DHTKD1: variants seen among roughly 807,000 people sequenced by gnomAD.
DHTKD1 encodes 2-oxoadipate dehydrogenase complex component E1.
Under a neutral mutation model 101.8 loss-of-function variants are expected in DHTKD1, and 78 were observed. The observed-to-expected ratio is 0.77, with a 90% CI of 0.64 to 0.93. The LOEUF (loss-of-function observed/expected upper bound fraction) is 0.93, where lower values mean the gene tolerates loss of function less well. Ranked by LOEUF, DHTKD1 falls within the 40% of genes least tolerant of loss-of-function variation. The probability of loss-of-function intolerance (pLI) is 0.00; values close to 1 mark genes in which losing one functional copy is unlikely to be tolerated. For synonymous variants in DHTKD1, 462 were observed against 450.3 expected, an observed-to-expected ratio of 1.03 and a Z score of -0.33; for missense variants, 1,223 against 1,161.7, an observed-to-expected ratio of 1.05 and a Z score of -0.77.
chr10:12,100,464 T>C (rs765774377), intron 9 of DHTKD1, among the ~76,000 whole-genome samples: 11 of 150,640 alleles, frequency 7.3e-5, no homozygotes, highest in Non-Finnish European at 1.6e-4. Flanking sequence ...GGGGTTTCAC[T>C]ATGTTGGTCA....
At chr10:12,105,556 G>A (rs1246859468) in intron 10 of DHTKD1, among the ~76,000 whole-genome samples, 6 of 152,076 alleles carry the variant, frequency 3.9e-5, no homozygotes, top group African/African-American at 1.2e-4. Context: ...GTGCTCAAGC[G>A]ATCCTCCCAT....
Position 12,121,188 on chromosome 10 carries a change from C to CCAG in DHTKD1, c.*302_*304dup. On this transcript the variant is annotated 3_prime_UTR_variant, in exon 17 of 17. Coordinates refer to ENST00000263035, the MANE Select transcript of DHTKD1 (RefSeq NM_018706.7). Reference sequence around the variant, plus strand: ...TGAGCCAGGATCACACCATTGCTGTCCAGCCTGGGTGACAGAGCAAGACTG... The same window carrying CCAG: ...TGAGCCAGGATCACACCATTGCTGTCCAGCAGCCTGGGTGACAGAGCAAGACTG... 1 of 264,330 alleles carries CCAG rather than the reference C, an allele frequency of 3.8e-6. No individual in the cohort carries two copies. Among genetic ancestry groups the CCAG allele is most frequent in the Admixed American group, 4.4e-5 (1 of 22,836 alleles). The allele number at this position is 264,330 out of a possible 1,614,324, so 16.4% of individuals were successfully genotyped here.
chr10:12,112,135 C>T (rs1224083277), intron 12 of DHTKD1, among the ~76,000 whole-genome samples: 1 of 151,984 alleles, frequency 6.6e-6, no homozygotes, highest in Non-Finnish European at 1.5e-5. Flanking sequence ...GGCATCATAA[C>T]AAGACCCCAT....
chr10:12,100,282 T>C lies in DHTKD1; in HGVS notation c.1756+20T>C, dbSNP rs530804972. ...CTCAAGGTAAGAATTTTCTTTTTTTTTTCTGTTTTTTTTTTTTTTGAGTCT... is the reference window on the plus strand; with the variant it reads ...CTCAAGGTAAGAATTTTCTTTTTTTCTTCTGTTTTTTTTTTTTTTGAGTCT... On this transcript the variant is annotated intron_variant, in intron 9 of 16. Coordinates refer to ENST00000263035, the MANE Select transcript of DHTKD1 (RefSeq NM_018706.7). 4.3e-6 allele frequency: 4 copies of C among 938,882 alleles called. No individual in the cohort carries two copies. The highest frequency in any genetic ancestry group is 5.9e-5 in the East Asian group (2 of 34,150). 58.2% of individuals were successfully genotyped at this position (938,882 alleles called of 1,614,324 possible). A position where few individuals can be genotyped will look rare whatever the true frequency, so the allele number is the denominator to read the frequency against.
rs555809134 is a variant in DHTKD1, at chr10:12,101,876, A to G, written c.1896+695A>G. Among the ~76,000 whole-genome samples, 7 of 152,324 alleles carry G rather than the reference A, an allele frequency of 4.6e-5. No individual in the cohort carries two copies. The South Asian group carries it at 1.4e-3, about 32-fold the overall frequency. On this transcript the variant is annotated intron_variant, in intron 10 of 16. Coordinates refer to ENST00000263035, the MANE Select transcript of DHTKD1 (RefSeq NM_018706.7). ...CTTGGCCTCCCAAAGCACTGGAAGTATAGGTGTGAGCCACTGCACCCAGCC... is the reference window on the plus strand; with the variant it reads ...CTTGGCCTCCCAAAGCACTGGAAGTGTAGGTGTGAGCCACTGCACCCAGCC...
intron 1 of DHTKD1, among the ~76,000 whole-genome samples, chr10:12,076,741 C>A (rs1442430023): frequency 1.3e-5 from 2 of 151,950 alleles, no homozygotes; most frequent in Admixed American, 1.3e-4. Context: ...TCACTGCAAG[C>A]TCCGCCTCCC....
rs55809304 is a variant in DHTKD1, at chr10:12,103,491, C to CTGTGTGTGTGTGTGTGTGTG, written c.1896+2328_1896+2347dup. ...CCCCAACTTCGTTGTACATCTCAAT[C>CTGTGTGTGTGTGTGTGTGTG]TGTGTGTGTGTGTGTGTGTGTGTGT... is the stretch of plus-strand genomic sequence containing the variant. On this transcript the variant is annotated intron_variant, in intron 10 of 16. Coordinates refer to ENST00000263035, the MANE Select transcript of DHTKD1 (RefSeq NM_018706.7). The surrounding 1 kb of genome is among the most constrained non-coding windows in gnomAD (Gnocchi z 4.8). Among the ~76,000 whole-genome samples, 6 of 144,888 alleles carry CTGTGTGTGTGTGTGTGTGTG rather than the reference C, an allele frequency of 4.1e-5. No homozygotes were observed. The highest frequency in any genetic ancestry group is 2.1e-4 in the East Asian group (1 of 4,846).
In DHTKD1 at chr10:12,107,654, G is replaced by C. The variant is rs1407374069; in HGVS notation, c.2048-255G>C. ...GCTGGTCTCGAACACCTGACCTCAA[G>C]TGATCTATCCGCCTCAGCCTCCCAA... On this transcript the variant is annotated intron_variant, in intron 11 of 16. Transcript: ENST00000263035. This position sits in a 1 kb window ranked among gnomAD's most constrained non-coding sequence, Gnocchi z 4.1. Among the ~76,000 whole-genome samples the C allele has an allele frequency of 2.0e-5, 3 of 150,982 alleles. No individual in the cohort carries two copies. Among genetic ancestry groups the C allele is most frequent in the Non-Finnish European group, 4.4e-5 (3 of 67,686 alleles).
chr10:12,107,961 C>T lies in DHTKD1; in HGVS notation c.2100C>T (p.Gly700=), dbSNP rs951953497. Residue 700 remains glycine (G), a synonymous_variant, in exon 12 of 17, where the codon GGC becomes GGT. Transcript: ENST00000263035. This position sits in a 1 kb window ranked among gnomAD's most constrained non-coding sequence, Gnocchi z 4.1. ...GCATCGTCATCCTCCTTCCACATGG[C>T]TACGATGGGGCTGGGCCAGACCACT... The part of the protein sequence containing the change: ...QSGIVILLPH[G]YDGAGPDHSS... 6.2e-7 allele frequency: 1 copy of T among 1,613,956 alleles called. No individual in the cohort carries two copies. The highest frequency in any genetic ancestry group is 2.2e-5 in the East Asian group (1 of 44,888).
intron 15 of DHTKD1, among the ~76,000 whole-genome samples, chr10:12,119,484 CG>C: frequency 6.6e-6 from 1 of 150,848 alleles, no homozygotes; most frequent in East Asian, 1.9e-4. Flanking sequence ...GGCGTGGTGG[CG>C]GGCGCCTGTA....
rs1484390034 is a variant in DHTKD1 at position 12,081,532 on chromosome 10, A to G, written c.215A>G (p.Lys72Arg). ...TGTGAGCATGGTCATAAAGCTGCCAAAATCAACCCCCTCTTCACCGGACAA... is the reference window on the plus strand; with the variant it reads ...TGTGAGCATGGTCATAAAGCTGCCAGAATCAACCCCCTCTTCACCGGACAA... ...VYCEHGHKAAKINPLFTGQAL... is the reference protein window; with the variant it reads ...VYCEHGHKAARINPLFTGQAL... The change falls in exon 2 of 17, where the codon AAA becomes AGA. Residue 72 changes from lysine to arginine, a missense_variant. Coordinates refer to ENST00000263035, the MANE Select transcript of DHTKD1 (RefSeq NM_018706.7). 1 of 1,614,142 alleles carries G rather than the reference A, an allele frequency of 6.2e-7. No homozygotes were observed. Among genetic ancestry groups the G allele is most frequent in the East Asian group, 2.2e-5 (1 of 44,870 alleles).
intron 8 of DHTKD1, among the ~76,000 whole-genome samples, chr10:12,098,499 G>A (rs2062987): frequency 0.73 from 111,554 of 152,112 alleles, 41,589 homozygotes; most frequent in South Asian, 0.88. Context: ...AAAACAAGGA[G>A]AGCAAAGAGT....
In DHTKD1 at chr10:12,077,408, G is replaced by A. The variant is rs1162599970; in HGVS notation, c.155-4064G>A. Among the ~76,000 whole-genome samples the A allele has an allele frequency of 4.6e-5, 7 of 151,980 alleles. No individual in the cohort carries two copies. The South Asian group carries it at 6.2e-4, about 14-fold the overall frequency. Reference sequence around the variant, plus strand: ...AGGCCTGGCTAATTTCTTGTTTTTAGTAGAGACAGGGTTTCACCATGTGGG... The same window carrying A: ...AGGCCTGGCTAATTTCTTGTTTTTAATAGAGACAGGGTTTCACCATGTGGG... On this transcript the variant is annotated intron_variant, in intron 1 of 16. Coordinates refer to ENST00000263035, the MANE Select transcript of DHTKD1 (RefSeq NM_018706.7).
chr10:12,071,805 G>A (rs1832654423), intron 1 of DHTKD1, among the ~76,000 whole-genome samples: 1 of 152,174 alleles, frequency 6.6e-6, no homozygotes, highest in African/African-American at 2.4e-5. Context: ...TGGGATTATA[G>A]GCGCGAGCCA....
At position 12,086,413 on chromosome 10, in the gene DHTKD1, G is replaced by A. The variant is rs566880048; in HGVS notation, c.523-1122G>A. ...TTTTTTGTATTTTTAGTAGAACGGGGTTTCACTGTGTTAGTCAGGATGGTC... is the reference window on the plus strand; with the variant it reads ...TTTTTTGTATTTTTAGTAGAACGGGATTTCACTGTGTTAGTCAGGATGGTC... On this transcript the variant is annotated intron_variant, in intron 3 of 16. Coordinates refer to ENST00000263035, the MANE Select transcript of DHTKD1 (RefSeq NM_018706.7). Among the ~76,000 whole-genome samples, 19 of 151,244 alleles carry A rather than the reference G, an allele frequency of 1.3e-4. No homozygotes were observed. In the East Asian group the frequency reaches 3.7e-3, roughly 29 times the overall value.
chr10:12,075,486 C>A lies in DHTKD1; in HGVS notation c.155-5986C>A, dbSNP rs534270418. Among the ~76,000 whole-genome samples, 3 of 152,164 alleles carry A rather than the reference C, an allele frequency of 2.0e-5. No homozygotes were observed. The South Asian group carries it at 6.2e-4, about 32-fold the overall frequency. ...CGATCTCCTGACCTTGTGATCCGTCCGCCTCGGTCTACCAAAGTGCTGGGA... is the reference window on the plus strand; with the variant it reads ...CGATCTCCTGACCTTGTGATCCGTCAGCCTCGGTCTACCAAAGTGCTGGGA... On this transcript the variant is annotated intron_variant, in intron 1 of 16. Transcript: ENST00000263035.
In DHTKD1 at chr10:12,089,164, G is replaced by C; in HGVS notation, c.896G>C (p.Gly299Ala). The change falls in exon 5 of 17, where the codon GGC becomes GCC. Residue 299 changes from glycine to alanine, a missense_variant. Coordinates refer to ENST00000263035, the MANE Select transcript of DHTKD1 (RefSeq NM_018706.7). The stretch of plus-strand genomic sequence containing the variant: ...GAGGCCGTCAACCCCGTGGCCGTGG[G>C]CAAAACTCGCGGCAGGCAGCAGTCT... ...HLEAVNPVAV[G>A]KTRGRQQSRQ... 6.2e-7 allele frequency: 1 copy of C among 1,614,130 alleles called. No homozygotes were observed. The highest frequency in any genetic ancestry group is 8.5e-7 in the Non-Finnish European group (1 of 1,180,024).
chr10:12,083,846 T>C (rs940096797), intron 2 of DHTKD1, among the ~76,000 whole-genome samples: 1 of 152,204 alleles, frequency 6.6e-6, no homozygotes, highest in Non-Finnish European at 1.5e-5. Context: ...TTTTACTGCT[T>C]CATGACCTTT....
chr10:12,097,968 A>C lies in DHTKD1; in HGVS notation c.1643A>C (p.His548Pro). ...SVEVPRELQM[H>P]SHLLKTHVQS... ...GAGGTGCCAAGAGAGCTGCAGATGCACAGTCACCTGCTGAAGACACATGTT... is the reference window on the plus strand; with the variant it reads ...GAGGTGCCAAGAGAGCTGCAGATGCCCAGTCACCTGCTGAAGACACATGTT... Residue 548 changes from histidine to proline, a missense_variant, in exon 8 of 17, where the codon CAC becomes CCC. Transcript: ENST00000263035. 6.2e-7 allele frequency: 1 copy of C among 1,612,780 alleles called. No homozygotes were observed. Among genetic ancestry groups the C allele is most frequent in the Non-Finnish European group, 8.5e-7 (1 of 1,178,976 alleles).
Sources: gnomAD v4.1 joint callset for allele counts (sites outside exome capture counted in the v4.1 genomes callset) on GRCh38, gnomAD v4.1.1 for gene constraint, Gnocchi (gnomAD v3.1) non-coding constraint, MANE v1.5 for transcripts, NCBI Gene and HGNC (gene_info 2026-07-23, HGNC 2026-07-21) for gene names.